The following SPMIP2 variants were observed in gnomAD, a reference collection of about 807,000 sequenced individuals.
The protein encoded by SPMIP2 is protein SPMIP2.
chr4:158,913,675 G>T, the SPMIP2 span, among the ~76,000 whole-genome samples: 1 of 152,078 alleles, frequency 6.6e-6, no homozygotes, highest in Non-Finnish European at 1.5e-5. Flanking sequence ...AAAGGGTCTA[G>T]CCTGTAGACC....
the SPMIP2 span, among the ~76,000 whole-genome samples, chr4:158,901,664 T>G: frequency 6.6e-6 from 1 of 152,076 alleles, no homozygotes; most frequent in Non-Finnish European, 1.5e-5. Context: ...TAGTCTCATA[T>G]TTCTTGGAGG....
At chr4:158,982,747 G>T in the SPMIP2 span, among the ~76,000 whole-genome samples, 1 of 152,278 alleles carries the variant, frequency 6.6e-6, no homozygotes, top group South Asian at 2.1e-4. Flanking sequence ...AATTTATAGA[G>T]TAAATGTCCA....
At chr4:159,016,208 G>C in the SPMIP2 span, among the ~76,000 whole-genome samples, 1 of 152,190 alleles carries the variant, frequency 6.6e-6, no homozygotes, top group Non-Finnish European at 1.5e-5. Flanking sequence ...GAAATGTAAA[G>C]CAGATTTCCA....
chr4:158,973,363 C>T, the SPMIP2 span: 22 of 1,194,900 alleles, frequency 1.8e-5, 1 homozygote, highest in South Asian at 1.6e-4. Flanking sequence ...TTCTAAGATA[C>T]TTTTGTTATT....
At chr4:158,991,290 C>A in the SPMIP2 span, among the ~76,000 whole-genome samples, 1 of 152,162 alleles carries the variant, frequency 6.6e-6, no homozygotes, top group African/African-American at 2.4e-5. Flanking sequence ...ACCTTGGAGA[C>A]AGAATCTGTG....
the SPMIP2 span, among the ~76,000 whole-genome samples, chr4:158,898,129 T>C: frequency 6.6e-6 from 1 of 152,208 alleles, no homozygotes; most frequent in Non-Finnish European, 1.5e-5. Flanking sequence ...GTCAGGTTTG[T>C]CAAAGATCAG....
the SPMIP2 span, among the ~76,000 whole-genome samples, chr4:158,953,776 T>C: frequency 4.7e-4 from 72 of 152,352 alleles, no homozygotes; most frequent in African/African-American, 1.7e-3. Flanking sequence ...ATGACCTGGA[T>C]GTAAGACCTG....
At chr4:158,905,294 C>CA in the SPMIP2 span, 2 of 152,182 alleles carry the variant, frequency 1.3e-5, no homozygotes, top group Admixed American at 1.3e-4. Context: ...TTTGTAGCAG[C>CA]AAAGTGTACA....
chr4:159,020,613 C>A, the SPMIP2 span, among the ~76,000 whole-genome samples: 1 of 152,200 alleles, frequency 6.6e-6, no homozygotes. Flanking sequence ...ATGCCACCTT[C>A]TGGGAAGTCT....
At chr4:158,897,153 C>G in the SPMIP2 span, among the ~76,000 whole-genome samples, 3 of 152,144 alleles carry the variant, frequency 2.0e-5, no homozygotes, top group Non-Finnish European at 1.5e-5. Context: ...TCATCCGTGT[C>G]CCTGCAGAGG....
At chr4:159,026,335 T>G in the SPMIP2 span, 1 of 643,166 alleles carries the variant, frequency 1.6e-6, no homozygotes, top group South Asian at 1.5e-5. Flanking sequence ...GGGAGAGAAG[T>G]TTGAAGAAAC....
At chr4:159,037,142 T>C in the SPMIP2 span, among the ~76,000 whole-genome samples, 1 of 152,238 alleles carries the variant, frequency 6.6e-6, no homozygotes, top group Non-Finnish European at 1.5e-5. Context: ...AAATGCGGGC[T>C]TCTGCTTTGC....
chr4:159,052,565 TG>T, the SPMIP2 span, among the ~76,000 whole-genome samples: 1 of 152,172 alleles, frequency 6.6e-6, no homozygotes, highest in Non-Finnish European at 1.5e-5. Flanking sequence ...CTTCCGTAGA[TG>T]GGGTAGTGAT....
the SPMIP2 span, among the ~76,000 whole-genome samples, chr4:159,015,115 A>G: frequency 6.6e-6 from 1 of 152,246 alleles, no homozygotes; most frequent in African/African-American, 2.4e-5. Flanking sequence ...ATATCGTCAG[A>G]TGTTGACTGA....
the SPMIP2 span, among the ~76,000 whole-genome samples, chr4:158,904,148 G>T: frequency 0.021 from 3,210 of 152,306 alleles, 118 homozygotes; most frequent in African/African-American, 0.073. Context: ...ATGATACAAT[G>T]AAGTTATATA....
At chr4:158,926,822 A>G in the SPMIP2 span, among the ~76,000 whole-genome samples, 1 of 152,230 alleles carries the variant, frequency 6.6e-6, no homozygotes, top group East Asian at 1.9e-4. Flanking sequence ...ATGGACATAA[A>G]GATGAAAATA....
the SPMIP2 span, among the ~76,000 whole-genome samples, chr4:159,031,607 G>A: frequency 6.6e-6 from 1 of 152,218 alleles, no homozygotes; most frequent in Non-Finnish European, 1.5e-5. Flanking sequence ...TTAATTACAT[G>A]ATGCCAAATG....
chr4:158,942,749 C>G, the SPMIP2 span, among the ~76,000 whole-genome samples: 1 of 152,060 alleles, frequency 6.6e-6, no homozygotes, highest in South Asian at 2.1e-4. Context: ...TGCACTCCAG[C>G]CTGGACCACA....
At chr4:159,072,674 GC>G in the SPMIP2 span, among the ~76,000 whole-genome samples, 1 of 151,816 alleles carries the variant, frequency 6.6e-6, no homozygotes, top group African/African-American at 2.4e-5. Flanking sequence ...TATTGCCTAG[GC>G]TGGTCTCAAA....
Sources: allele counts gnomAD v4.1 joint callset (sites outside exome capture counted in the v4.1 genomes callset), GRCh38; gene constraint gnomAD v4.1.1; transcripts MANE v1.5; gene names NCBI Gene and HGNC (gene_info 2026-07-23, HGNC 2026-07-21).